The following ARHGAP39 variants were observed in gnomAD, a reference collection of about 807,000 sequenced individuals.
ARHGAP39 encodes the protein Rho GTPase activating protein 39.
In ARHGAP39, 44 loss-of-function variants were observed where a neutral mutation model predicts 106.9. The ratio of observed to expected loss-of-function variants is 0.41; its 90% CI spans 0.32 to 0.53. The LOEUF (loss-of-function observed/expected upper bound fraction) is 0.53. Among genes scored for constraint, ARHGAP39 ranks in the 20% least tolerant of loss-of-function variants. ARHGAP39 has a pLI of 0.21. For missense variants in ARHGAP39, 1,496 were observed against 1,577.3 expected, an observed-to-expected ratio of 0.95 and a Z score of 0.87; for synonymous variants, 768 against 693.2, an observed-to-expected ratio of 1.11 and a Z score of -1.69.
chr8:144,600,235 T>A (rs1369795986), intron 2 of ARHGAP39, among the ~76,000 whole-genome samples: 1 of 139,252 alleles, frequency 7.2e-6, no homozygotes, highest in Non-Finnish European at 1.5e-5. Context: ...TGCAAGCTCG[T>A]GTACCTACCT....
intron 6 of ARHGAP39, among the ~76,000 whole-genome samples, chr8:144,538,168 C>T (rs554512911): frequency 1.3e-5 from 2 of 152,362 alleles, no homozygotes; most frequent in Admixed American, 6.5e-5. Context: ...GCAGCCATGG[C>T]CTGGGCCCCC....
Position 144,548,192 on chromosome 8 carries a change from G to A in ARHGAP39, c.894C>T (p.Asp298=). Residue 298 remains aspartate, a synonymous_variant, in exon 5 of 12, where the codon GAC becomes GAT. Transcript: ENST00000377307. The surrounding 1 kb of genome is among the most constrained non-coding windows in gnomAD (Gnocchi z 7.4). ...LLAQPRKPSG[D]SQPSSPRYGY... ...CATAGCGCGGGGAGGAGGGCTGCGA[G>A]TCCCCGGAGGGCTTTCGGGGCTGGG... is the stretch of plus-strand genomic sequence containing the variant. 6.3e-7 allele frequency: 1 copy of A among 1,583,702 alleles called. No individual in the cohort carries two copies. The highest frequency in any genetic ancestry group is 1.1e-5 in the South Asian group (1 of 87,110).
intron 1 of ARHGAP39, among the ~76,000 whole-genome samples, chr8:144,608,017 C>T (rs972933354): frequency 3.3e-5 from 5 of 151,810 alleles, no homozygotes; most frequent in Admixed American, 1.3e-4. Context: ...ATTAGCCAGG[C>T]GTGGCAGCAT....
chr8:144,628,848 G>A (rs1820990502), intron 1 of ARHGAP39, among the ~76,000 whole-genome samples: 1 of 152,206 alleles, frequency 6.6e-6, no homozygotes, highest in Non-Finnish European at 1.5e-5. Flanking sequence ...TCACCGCTGT[G>A]CCTGGGCGGG....
intron 1 of ARHGAP39, among the ~76,000 whole-genome samples, chr8:144,682,131 T>C (rs538429569): frequency 7.7e-6 from 1 of 130,564 alleles, no homozygotes; most frequent in Non-Finnish European, 1.6e-5. Context: ...TAGCCGGGCG[T>C]GGTGGCGGGA....
At position 144,585,397 on chromosome 8, in the gene ARHGAP39, C is replaced by T. The variant is rs1041579249; in HGVS notation, c.81-4120G>A. Among the ~76,000 whole-genome samples, 1 of 150,982 alleles carries T rather than the reference C, an allele frequency of 6.6e-6. No individual in the cohort carries two copies. On this transcript the variant is annotated intron_variant, in intron 2 of 11. Transcript: ENST00000377307. The surrounding 1 kb of genome is among the most constrained non-coding windows in gnomAD (Gnocchi z 4.6). Reference sequence around the variant, plus strand: ...CCAAGGGTTCCCAGCACCGGCTCACCGAGAACCTGGAGGGGCCAGCCAGGG... The same window carrying T: ...CCAAGGGTTCCCAGCACCGGCTCACTGAGAACCTGGAGGGGCCAGCCAGGG...
intron 1 of ARHGAP39, among the ~76,000 whole-genome samples, chr8:144,608,450 C>T (rs750127242): frequency 6.6e-6 from 1 of 152,146 alleles, no homozygotes; most frequent in Non-Finnish European, 1.5e-5. Context: ...TCAACTCAGG[C>T]GTCACCTCTC....
chr8:144,683,328 AAAAATAAAAT>A (rs954310035), intron 1 of ARHGAP39: 1 of 150,830 alleles, frequency 6.6e-6, no homozygotes, highest in Non-Finnish European at 1.5e-5. Flanking sequence ...AATTAAAAAT[AAAAATAAAAT>A]AAAATAAAAT....
chr8:144,661,858 A>C (rs1273260343), intron 1 of ARHGAP39, among the ~76,000 whole-genome samples: 2 of 150,310 alleles, frequency 1.3e-5, no homozygotes, highest in Non-Finnish European at 3.0e-5. Flanking sequence ...TCCACCTCGA[A>C]CTGCTCCCTC....
chr8:144,570,054 C>T (rs1818530352), intron 3 of ARHGAP39, among the ~76,000 whole-genome samples: 2 of 152,280 alleles, frequency 1.3e-5, no homozygotes, highest in African/African-American at 2.4e-5. Flanking sequence ...AACCCCGTCT[C>T]TACTAAAAAT....
Position 144,605,558 on chromosome 8 carries a change from C to A in ARHGAP39, c.57G>T (p.Ser19=). ...ACCGAGTGTTCGACCCTGGAATCCT[C>A]GACTCCGGCAGGTCGACATTATGGC... ...CRSHNVDLPE[S]RIPGSNTRLE... is the part of the protein sequence containing the mutation. The change falls in exon 2 of 12, where the codon TCG becomes TCT. Residue 19 remains serine (S), a synonymous_variant. Coordinates refer to ENST00000377307, the MANE Select transcript of ARHGAP39 (RefSeq NM_025251.3). 6.2e-7 allele frequency: 1 copy of A among 1,613,996 alleles called. No homozygotes were observed. Among genetic ancestry groups the A allele is most frequent in the African/African-American group, 1.3e-5 (1 of 75,032 alleles).
At chr8:144,652,123 A>G (rs1428405977) in intron 1 of ARHGAP39, among the ~76,000 whole-genome samples, 1 of 152,190 alleles carries the variant, frequency 6.6e-6, no homozygotes, top group South Asian at 2.1e-4. Context: ...AACAGAGTAA[A>G]CAGGCAACCT....
At chr8:144,691,068 G>A in the ARHGAP39 span, among the ~76,000 whole-genome samples, 5 of 152,098 alleles carry the variant, frequency 3.3e-5, no homozygotes, top group Non-Finnish European at 4.4e-5. Context: ...CCTGCCACTC[G>A]GCTTCTTTCT....
At chr8:144,596,700 T>C (rs1027844082) in intron 2 of ARHGAP39, among the ~76,000 whole-genome samples, 1 of 152,172 alleles carries the variant, frequency 6.6e-6, no homozygotes, top group Non-Finnish European at 1.5e-5. Flanking sequence ...CATCCAGTGC[T>C]GCAGGCCCCG....
chr8:144,585,989 T>TAAA lies in ARHGAP39; in HGVS notation c.81-4713_81-4712insTTT, dbSNP rs1298640371. Among the ~76,000 whole-genome samples, 1 of 152,082 alleles carries TAAA rather than the reference T, an allele frequency of 6.6e-6. No individual in the cohort carries two copies. The highest frequency in any genetic ancestry group is 1.9e-4 in the East Asian group (1 of 5,186). On this transcript the variant is annotated intron_variant, in intron 2 of 11. Coordinates refer to ENST00000377307, the MANE Select transcript of ARHGAP39 (RefSeq NM_025251.3). The surrounding 1 kb of genome is among the most constrained non-coding windows in gnomAD (Gnocchi z 4.6). ...ACCCCCGTGACTCAGGGTAGTTTTTTAGTTTTGGAGACAGAGTCTTGCTCT... is the reference window on the plus strand; with the variant it reads ...ACCCCCGTGACTCAGGGTAGTTTTTTAAAAGTTTTGGAGACAGAGTCTTGCTCT...
chr8:144,575,424 T>G (rs1414855933), intron 3 of ARHGAP39, among the ~76,000 whole-genome samples: 1 of 152,226 alleles, frequency 6.6e-6, no homozygotes, highest in African/African-American at 2.4e-5. Context: ...ATTTTCTTTC[T>G]TTACATTCTT....
chr8:144,648,192 T>A (rs1474880959), intron 1 of ARHGAP39, among the ~76,000 whole-genome samples: 1 of 152,156 alleles, frequency 6.6e-6, no homozygotes, highest in Non-Finnish European at 1.5e-5. Flanking sequence ...GGGCCCCAGC[T>A]GCTCTGATTT....
At chr8:144,675,258 G>A (rs919262092) in intron 1 of ARHGAP39, among the ~76,000 whole-genome samples, 48 of 151,978 alleles carry the variant, frequency 3.2e-4, no homozygotes, top group Non-Finnish European at 1.6e-4. Flanking sequence ...TTTTGAGACA[G>A]AGTCTTACTC....
intron 1 of ARHGAP39, among the ~76,000 whole-genome samples, chr8:144,673,694 G>A (rs1252338731): frequency 6.6e-6 from 1 of 152,202 alleles, no homozygotes; most frequent in Non-Finnish European, 1.5e-5. Context: ...TTCTGCCTGA[G>A]TATTGCTCAT....
Sources: gnomAD v4.1 joint callset for allele counts (sites outside exome capture counted in the v4.1 genomes callset) on GRCh38, gnomAD v4.1.1 for gene constraint, Gnocchi (gnomAD v3.1) non-coding constraint, MANE v1.5 for transcripts, NCBI Gene and HGNC (gene_info 2026-07-23, HGNC 2026-07-21) for gene names.